The following SLC22A24 variants were observed in gnomAD, a reference collection of about 807,000 sequenced individuals.
SLC22A24 encodes the protein solute carrier family 22 member 24.
In SLC22A24, 53 loss-of-function variants were observed where a neutral mutation model predicts 49.8. The ratio of observed to expected loss-of-function variants is 1.06; its 90% confidence interval spans 0.85 to 1.34. The LOEUF is 1.34. Among genes scored for constraint, SLC22A24 ranks in the 40% most tolerant of loss-of-function variants. The pLI, the probability that SLC22A24 is intolerant of heterozygous loss-of-function variation, is 0.00. For missense variants in SLC22A24, 786 were observed against 675.9 expected, an observed-to-expected ratio of 1.16 and a Z score of -1.81; for synonymous variants, 302 against 256.4, an observed-to-expected ratio of 1.18 and a Z score of -1.70.
chr11:63,137,610 T>C (rs1232323354), intron 1 of SLC22A24, among the ~76,000 whole-genome samples: 1 of 152,236 alleles, frequency 6.6e-6, no homozygotes, highest in Non-Finnish European at 1.5e-5. Flanking sequence ...TATTGGGTAC[T>C]GAATGAGGTG....
At chr11:63,096,854 T>C (rs986274564) in intron 5 of SLC22A24, among the ~76,000 whole-genome samples, 1 of 152,194 alleles carries the variant, frequency 6.6e-6, no homozygotes, top group Non-Finnish European at 1.5e-5. Context: ...CCCTGCCATT[T>C]GATATATTAC....
intron 6 of SLC22A24, among the ~76,000 whole-genome samples, chr11:63,088,617 T>C (rs2087001276): frequency 6.6e-6 from 1 of 151,942 alleles, no homozygotes; most frequent in South Asian, 2.1e-4. Context: ...AGAAGGTGGG[T>C]AATAACTCCT....
At chr11:63,098,524 C>A (rs1279958639) in intron 5 of SLC22A24, among the ~76,000 whole-genome samples, 1 of 151,894 alleles carries the variant, frequency 6.6e-6, no homozygotes, top group Non-Finnish European at 1.5e-5. Flanking sequence ...AAAAATTAGC[C>A]AGGCATGGTG....
intron 1 of SLC22A24, among the ~76,000 whole-genome samples, chr11:63,143,057 A>T (rs1303748383): frequency 3.3e-5 from 5 of 152,218 alleles, no homozygotes; most frequent in Admixed American, 3.3e-4. Flanking sequence ...GAATTAACAA[A>T]CTTATTTCTC....
chr11:63,097,906 C>A (rs1466757539), intron 5 of SLC22A24, among the ~76,000 whole-genome samples: 1 of 151,970 alleles, frequency 6.6e-6, no homozygotes, highest in Non-Finnish European at 1.5e-5. Context: ...GCATCACACA[C>A]CAGGGCCTGT....
intron 9 of SLC22A24, 41 bp downstream of exon 9, chr11:63,080,879 A>T (rs943422307): frequency 4.6e-6 from 7 of 1,508,546 alleles, no homozygotes; most frequent in Non-Finnish European, 6.3e-6. Flanking sequence ...TACAGCACAT[A>T]GCCACTCCCC....
intron 4 of SLC22A24, among the ~76,000 whole-genome samples, chr11:63,113,853 CAAAAA>C (rs376625916): frequency 1.0e-5 from 1 of 100,228 alleles, no homozygotes. Context: ...GACTCCATCT[CAAAAA>C]AAAAAAAAAA....
chr11:63,127,431 A>G (rs1033601534), intron 2 of SLC22A24, among the ~76,000 whole-genome samples: 2 of 152,308 alleles, frequency 1.3e-5, no homozygotes, highest in African/African-American at 2.4e-5. Context: ...TAGTGCCACA[A>G]TAAACATACG....
At chr11:63,095,028 T>C (rs868247998) in intron 6 of SLC22A24, among the ~76,000 whole-genome samples, 4 of 152,216 alleles carry the variant, frequency 2.6e-5, no homozygotes, top group Non-Finnish European at 4.4e-5. Context: ...GCCATTGCTT[T>C]TGGTGTTTTA....
chr11:63,104,390 C>T, intron 4 of SLC22A24, 92 bp from the exon 5 acceptor site: 1 of 1,332,254 alleles, frequency 7.5e-7, no homozygotes, highest in South Asian at 1.5e-5. Context: ...TGATTTAATA[C>T]AGACATTATA....
chr11:63,081,021 A>C lies in SLC22A24; in HGVS notation c.1497T>G (p.Ile499Met). 6.4e-7 allele frequency: 1 copy of C among 1,551,754 alleles called. No individual in the cohort carries two copies. Among genetic ancestry groups the C allele is most frequent in the Non-Finnish European group, 8.7e-7 (1 of 1,147,036 alleles). Residue 499 changes from isoleucine to methionine, a missense_variant, in exon 9 of 10, where the codon ATT becomes ATG. By Grantham distance (10) the Ile-to-Met change is conservative. Transcript: ENST00000612278. ...CAAGGATGGGGAAGACTCCATAGGA[A>C]ATCCAGGGTAGGTGGGGAGAATACG... ...LMAYSPHLPW[I>M]SYGVFPILAV...
At chr11:63,138,783 G>A (rs928370142) in intron 1 of SLC22A24, among the ~76,000 whole-genome samples, 4 of 151,942 alleles carry the variant, frequency 2.6e-5, no homozygotes, top group Admixed American at 2.6e-4. Flanking sequence ...TTCAATTGTT[G>A]GCTTCTGGAA....
chr11:63,081,461 A>G, intron 8 of SLC22A24, 97 bp downstream of exon 8: 2 of 838,504 alleles, frequency 2.4e-6, no homozygotes, highest in Non-Finnish European at 4.0e-6. Context: ...CAGTTAATTC[A>G]TCTGGCACCT....
At chr11:63,082,777 A>G (rs559732979) in intron 7 of SLC22A24, among the ~76,000 whole-genome samples, 1 of 152,372 alleles carries the variant, frequency 6.6e-6, no homozygotes, top group South Asian at 2.1e-4. Context: ...GGAACTCAAA[A>G]GTGAATATAC....
intron 6 of SLC22A24, 39 bp downstream of exon 6, chr11:63,095,952 C>G: frequency 7.3e-7 from 1 of 1,379,030 alleles, no homozygotes; most frequent in Non-Finnish European, 1.0e-6. Context: ...TTTTGTGTCT[C>G]CAATATTTTA....
At chr11:63,088,668 T>C (rs1475655258) in intron 6 of SLC22A24, among the ~76,000 whole-genome samples, 4 of 152,082 alleles carry the variant, frequency 2.6e-5, no homozygotes, top group African/African-American at 7.2e-5. Context: ...GCAAGGAAGA[T>C]AAGAACCTTG....
chr11:63,089,161 A>C (rs1306684044), intron 6 of SLC22A24, among the ~76,000 whole-genome samples: 1 of 152,222 alleles, frequency 6.6e-6, no homozygotes, highest in Non-Finnish European at 1.5e-5. Context: ...AAAAATGTTA[A>C]GGGCAGCCAG....
At chr11:63,114,269 A>G (rs913853988) in intron 4 of SLC22A24, among the ~76,000 whole-genome samples, 1 of 151,668 alleles carries the variant, frequency 6.6e-6, no homozygotes, top group South Asian at 2.1e-4. Flanking sequence ...ACTTCTTTTT[A>G]CTCTTTTTTC....
chr11:63,114,486 G>T (rs566330816), intron 4 of SLC22A24, among the ~76,000 whole-genome samples: 2 of 152,114 alleles, frequency 1.3e-5, no homozygotes, highest in African/African-American at 2.4e-5. Flanking sequence ...TAGCTTCCTT[G>T]TGATGTGTTA....
Sources: allele counts gnomAD v4.1 joint callset (sites outside exome capture counted in the v4.1 genomes callset), GRCh38; gene constraint gnomAD v4.1.1; transcripts MANE v1.5; gene names NCBI Gene and HGNC (gene_info 2026-07-23, HGNC 2026-07-21).